MYO7B: variants seen among roughly 807,000 people sequenced by gnomAD.
MYO7B encodes unconventional myosin-VIIb.
Under a neutral mutation model 259.7 loss-of-function variants are expected in MYO7B, and 212 were observed. The observed-to-expected ratio is 0.82, with a 90% CI of 0.73 to 0.91. The LOEUF (loss-of-function observed/expected upper bound fraction) is 0.91, where lower values mean the gene tolerates loss of function less well. MYO7B is among the 40% of genes least tolerant of loss of function. MYO7B has a pLI of 0.00. For missense variants in MYO7B, 2,732 were observed against 2,813.5 expected (o/e 0.97, Z 0.66); for synonymous variants, 1,197 against 1,166.4 (o/e 1.03, Z -0.54).
chr2:127,557,918 C>G (rs1169313012), intron 1 of MYO7B, among the ~76,000 whole-genome samples: 3 of 152,168 alleles, frequency 2.0e-5, no homozygotes, highest in Non-Finnish European at 4.4e-5. Context: ...AAAATCCCTT[C>G]TAGACATTGG....
rs1479812828 is a variant in MYO7B, at chr2:127,564,318, C to T, written c.132+52C>T. ...CCCTGCCCTGCCCTCACATCCAGGG[C>T]CCTGGAGCCCTCCCCGCCCTGTGGA... On this transcript the variant is annotated intron_variant, in intron 3 of 47. Transcript: ENST00000409816. The T allele has an allele frequency of 6.4e-6, 9 of 1,411,548 alleles. No homozygotes were observed. The African/African-American group carries it at 1.1e-4, about 18-fold the overall frequency. 87.4% of individuals were successfully genotyped at this position (1,411,548 alleles called of 1,614,324 possible). A position where few individuals can be genotyped will look rare whatever the true frequency, so the allele number is the denominator to read the frequency against.
At position 127,566,786 on chromosome 2, in the gene MYO7B, C is replaced by T; in HGVS notation, c.429C>T (p.Phe143=). ...TTGCCATCGCCAACAACTGCTACTTCAGCATGAAGAGGAACAAGAGGGACC... is the reference window on the plus strand; with the variant it reads ...TTGCCATCGCCAACAACTGCTACTTTAGCATGAAGAGGAACAAGAGGGACC... ...HVFAIANNCY[F]SMKRNKRDQC... is the part of the protein sequence containing the mutation. Residue 143 remains phenylalanine (F), a synonymous_variant, in exon 5 of 48, where the codon TTC becomes TTT. Coordinates refer to ENST00000409816, the MANE Select transcript of MYO7B (RefSeq NM_001393586.1). 6.2e-7 allele frequency: 1 copy of T among 1,612,232 alleles called. No homozygotes were observed. Among genetic ancestry groups the T allele is most frequent in the South Asian group, 1.1e-5 (1 of 91,086 alleles).
intron 12 of MYO7B, 146 bp from the exon 13 acceptor site, chr2:127,583,976 C>A: frequency 1.4e-6 from 1 of 692,012 alleles, no homozygotes; most frequent in African/African-American, 1.8e-5. Flanking sequence ...AATGAGTGTG[C>A]ATCTCTGTGT....
At chr2:127,635,538 C>A in intron 43 of MYO7B, 184 bp from the exon 44 acceptor site, 1 of 702,766 alleles carries the variant, frequency 1.4e-6, no homozygotes, top group Non-Finnish European at 2.3e-6. Flanking sequence ...CACCTCCACG[C>A]AGATGTCAGG....
rs990660158 is a variant in MYO7B at position 127,613,018 on chromosome 2, C to T, written c.3398+415C>T. 2.0e-5 allele frequency among the ~76,000 whole-genome samples: 3 copies of T among 152,208 alleles called. No homozygotes were observed. Among genetic ancestry groups the T allele is most frequent in the African/African-American group, 4.8e-5 (2 of 41,450 alleles). The stretch of plus-strand genomic sequence containing the variant: ...AGTTCCCATCCGTGTTGGCTGAATG[C>T]GTAGAAGCAGAATCCGAACATGCAG... On this transcript the variant is annotated intron_variant, in intron 26 of 47. Coordinates refer to ENST00000409816, the MANE Select transcript of MYO7B (RefSeq NM_001393586.1). The surrounding 1 kb of genome is among the most constrained non-coding windows in gnomAD (Gnocchi z 4.3).
At chr2:127,541,835 C>T (rs911003043) in intron 1 of MYO7B, among the ~76,000 whole-genome samples, 1 of 152,232 alleles carries the variant, frequency 6.6e-6, no homozygotes, top group African/African-American at 2.4e-5. Context: ...CTGACTTCCC[C>T]AGGAGGGGCT....
In MYO7B at chr2:127,631,284, C is replaced by G. The variant is rs567209745; in HGVS notation, c.5016C>G (p.Cys1672Trp). ...GTGGCCACCTGTGGGCCTATTCCTG[C>G]GAGCCGCTGCGACAGCCGCTGCTCA... The part of the protein sequence containing the change: ...RARGHLWAYS[C>W]EPLRQPLLKR... Residue 1672 changes from cysteine to tryptophan, a missense_variant, in exon 37 of 48, where the codon TGC (cysteine) becomes TGG (tryptophan). Around this residue, in one of 3 missense-constraint regions of MYO7B, gnomAD observed 821 missense variants for 769.3 expected, o/e 1.07. Transcript: ENST00000409816. 2.5e-6 allele frequency: 4 copies of G among 1,612,018 alleles called. No individual in the cohort carries two copies. In the African/African-American group the frequency reaches 4.0e-5, roughly 16 times the overall value.
intron 1 of MYO7B, among the ~76,000 whole-genome samples, chr2:127,541,191 G>A (rs1692991683): frequency 6.6e-6 from 1 of 151,886 alleles, no homozygotes; most frequent in Admixed American, 6.6e-5. Flanking sequence ...AGGCATCTCT[G>A]TGGCTGTCTC....
chr2:127,603,027 C>G (rs1314670331), intron 19 of MYO7B, among the ~76,000 whole-genome samples: 1 of 152,026 alleles, frequency 6.6e-6, no homozygotes, highest in Non-Finnish European at 1.5e-5. Context: ...AACTCCTAAT[C>G]CATTCAAGTT....
At chr2:127,557,206 A>T (rs1361522099) in intron 1 of MYO7B, among the ~76,000 whole-genome samples, 1 of 152,042 alleles carries the variant, frequency 6.6e-6, no homozygotes, top group Non-Finnish European at 1.5e-5. Flanking sequence ...ACTTTCCAGA[A>T]CATTTTGCAT....
At chr2:127,545,806 C>G (rs1693206720) in intron 1 of MYO7B, among the ~76,000 whole-genome samples, 1 of 152,250 alleles carries the variant, frequency 6.6e-6, no homozygotes, top group South Asian at 2.1e-4. Flanking sequence ...AAGTGCTGCT[C>G]TTGTAATGAT....
intron 20 of MYO7B, among the ~76,000 whole-genome samples, chr2:127,606,704 G>C (rs2105022361): frequency 6.6e-6 from 1 of 152,348 alleles, no homozygotes; most frequent in Non-Finnish European, 1.5e-5. Flanking sequence ...AGGAAGCCCA[G>C]GGACTGCTGT....
rs1020184650 is a variant in MYO7B at position 127,590,067 on chromosome 2, T to G, written c.1855-25T>G. ...CCAGGACATGGCTCCTGAGACCCAC[T>G]TGTGCTCTGTGCTTCCATTCACAGT... On this transcript the variant is annotated intron_variant, in intron 15 of 47. Coordinates refer to ENST00000409816, the MANE Select transcript of MYO7B (RefSeq NM_001393586.1). This position sits in a 1 kb window ranked among gnomAD's most constrained non-coding sequence, Gnocchi z 4.6. 1 of 1,558,260 alleles carries G rather than the reference T, an allele frequency of 6.4e-7. No homozygotes were observed. Among genetic ancestry groups the G allele is most frequent in the East Asian group, 2.4e-5 (1 of 41,584 alleles).
In MYO7B at chr2:127,634,257, G is replaced by T; in HGVS notation, c.5593G>T (p.Gly1865Cys). Residue 1865 changes from glycine (G) to cysteine (C), a missense_variant, in exon 41 of 48, where the codon GGC becomes TGC. Physicochemically the swap from Gly to Cys is radical, Grantham distance 159 (BLOSUM62 -3). Transcript: ENST00000409816. ...ATRLQLASWE[G>C]CSLFIKISDK... ...CAGGCTGCAGCTGGCCTCCTGGGAG[G>T]GCTGCAGCCTCTTCATCAAGATTTC... 6.3e-7 allele frequency: 1 copy of T among 1,589,594 alleles called. No individual in the cohort carries two copies. The highest frequency in any genetic ancestry group is 8.5e-7 in the Non-Finnish European group (1 of 1,172,454).
In MYO7B at chr2:127,574,053, C is replaced by G; in HGVS notation, c.726C>G (p.Val242=). The G allele has an allele frequency of 6.2e-7, 1 of 1,613,974 alleles. No individual in the cohort carries two copies. Among genetic ancestry groups the G allele is most frequent in the Non-Finnish European group, 8.5e-7 (1 of 1,179,894 alleles). Residue 242 remains valine, a synonymous_variant, in exon 7 of 48, where the codon GTC becomes GTG. Coordinates refer to ENST00000409816, the MANE Select transcript of MYO7B (RefSeq NM_001393586.1). The part of the protein sequence containing the change: ...IEQFLLEKSR[V]CRQAPEERNY... ...AATTTCTCCTGGAGAAGTCCCGGGT[C>G]TGCCGGCAGGTGAGGCCTCCCCCTT...
intron 6 of MYO7B, among the ~76,000 whole-genome samples, chr2:127,571,716 G>A (rs1324422720): frequency 6.6e-6 from 1 of 151,978 alleles, no homozygotes; most frequent in African/African-American, 2.4e-5. Flanking sequence ...CCGACCTCAG[G>A]TGATCCACCC....
At chr2:127,558,904 G>C (rs531774759) in intron 1 of MYO7B, among the ~76,000 whole-genome samples, 49 of 152,270 alleles carry the variant, frequency 3.2e-4, no homozygotes, top group African/African-American at 1.2e-3. Flanking sequence ...GGGAGGGAAG[G>C]GGGTGAGGAA....
chr2:127,624,436 G>C (rs1014701345), intron 30 of MYO7B, 116 bp downstream of exon 30: 2 of 914,658 alleles, frequency 2.2e-6, no homozygotes, highest in African/African-American at 1.7e-5. Context: ...AGGAAAGGGG[G>C]TCACAAGGGT....
At chr2:127,606,670 A>G (rs374711504) in intron 20 of MYO7B, among the ~76,000 whole-genome samples, 5 of 152,316 alleles carry the variant, frequency 3.3e-5, no homozygotes, top group East Asian at 1.9e-4. Flanking sequence ...CAAGCTCTTA[A>G]GCCAACCCGT....
Sources: allele counts gnomAD v4.1 joint callset (sites outside exome capture counted in the v4.1 genomes callset), GRCh38; gene constraint gnomAD v4.1.1; regional missense constraint gnomAD v4.1.1; non-coding constraint Gnocchi (gnomAD v3.1); transcripts MANE v1.5; gene names NCBI Gene and HGNC (gene_info 2026-07-23, HGNC 2026-07-21).